The following ABCG8 variants were observed in gnomAD, a reference collection of about 807,000 sequenced individuals.
ABCG8 encodes ATP-binding cassette sub-family G member 8.
Under a neutral mutation model 71.3 loss-of-function variants are expected in ABCG8, and 81 were observed. The ratio of observed to expected loss-of-function variants is 1.14; its 90% CI spans 0.95 to 1.37. The LOEUF (loss-of-function observed/expected upper bound fraction) is 1.37, where lower values mean the gene tolerates loss of function less well. Ranked by LOEUF, ABCG8 falls within the 40% of genes most tolerant of loss-of-function variation. The probability of loss-of-function intolerance (pLI) is 0.00; values close to 1 mark genes in which losing one functional copy is unlikely to be tolerated. For missense variants in ABCG8, 1,119 were observed against 866.2 expected (o/e 1.29, Z -3.66); for synonymous variants, 451 against 354.7 (o/e 1.27, Z -3.05).
In ABCG8 at chr2:43,852,620, C is replaced by T; in HGVS notation, c.716C>T (p.Pro239Leu). The T allele has an allele frequency of 6.2e-7, 1 of 1,614,182 alleles. No homozygotes were observed. Among genetic ancestry groups the T allele is most frequent in the Non-Finnish European group, 8.5e-7 (1 of 1,180,030 alleles). ...AAAGGAATCCTTATTCTCGACGAACCCACCTCTGGGCTCGACAGCTTCACA... is the reference window on the plus strand; with the variant it reads ...AAAGGAATCCTTATTCTCGACGAACTCACCTCTGGGCTCGACAGCTTCACA... ...WNPGILILDEPTSGLDSFTAH... is the reference protein window; with the variant it reads ...WNPGILILDELTSGLDSFTAH... The change falls in exon 6 of 13, where the codon CCC becomes CTC. Residue 239 changes from proline (P) to leucine (L), a missense_variant. Transcript: ENST00000272286.
At chr2:43,861,556 C>T (rs1051139896) in intron 6 of ABCG8, among the ~76,000 whole-genome samples, 11 of 149,144 alleles carry the variant, frequency 7.4e-5, no homozygotes, top group Non-Finnish European at 1.2e-4. Flanking sequence ...CTGGATAAAA[C>T]TCTCCCTGTC....
intron 1 of ABCG8, 33 bp from the exon 2 acceptor site, chr2:43,844,473 TA>T (rs1169070082): frequency 6.4e-7 from 1 of 1,557,460 alleles, no homozygotes; most frequent in Non-Finnish European, 8.9e-7. Flanking sequence ...CAGCAGCTTC[TA>T]AAGGAGCCCC....
At chr2:43,869,171 C>T (rs1425351898) in intron 6 of ABCG8, among the ~76,000 whole-genome samples, 1 of 151,986 alleles carries the variant, frequency 6.6e-6, no homozygotes, top group African/African-American at 2.4e-5. Context: ...ATAGAATTCT[C>T]ACTGTGGGTA....
At position 43,872,226 on chromosome 2, in the gene ABCG8, C is replaced by T. The variant is rs755929853; in HGVS notation, c.1131C>T (p.Ser377=). The change falls in exon 8 of 13, where the codon AGC becomes AGT. Residue 377 remains serine (S), a synonymous_variant. Transcript: ENST00000272286. The stretch of plus-strand genomic sequence containing the variant: ...GGCCACATCTTCTGCCTCCCAGCAG[C>T]GTGACCCCACTAGACACCAACTGCC... The part of the protein sequence containing the change: ...DLDEDTCVES[S]VTPLDTNCLP... 5 of 1,614,020 alleles carry T rather than the reference C, an allele frequency of 3.1e-6. No individual in the cohort carries two copies. The highest frequency in any genetic ancestry group is 4.5e-5 in the East Asian group (2 of 44,880).
At chr2:43,855,599 T>C (rs992937051) in intron 6 of ABCG8, among the ~76,000 whole-genome samples, 6 of 152,208 alleles carry the variant, frequency 3.9e-5, no homozygotes, top group Non-Finnish European at 8.8e-5. Context: ...TCTATCTAGA[T>C]AGAATTATCA....
At chr2:43,874,520 CACCA>C in intron 10 of ABCG8, 37 bp downstream of exon 10, 2 of 1,513,772 alleles carry the variant, frequency 1.3e-6, no homozygotes, top group Non-Finnish European at 1.8e-6. Context: ...GCCCCCCACC[CACCA>C]GGGTGGGGGT....
At chr2:43,853,780 GTAA>G (rs1343731020) in intron 6 of ABCG8, among the ~76,000 whole-genome samples, 3 of 152,200 alleles carry the variant, frequency 2.0e-5, no homozygotes, top group African/African-American at 7.2e-5. Context: ...CAGCACAGTT[GTAA>G]GGCACAGAAC....
intron 6 of ABCG8, among the ~76,000 whole-genome samples, chr2:43,856,254 A>G (rs1337563961): frequency 6.6e-6 from 1 of 151,984 alleles, no homozygotes; most frequent in Non-Finnish European, 1.5e-5. Context: ...CTCCATCCTG[A>G]CAGAACTCTC....
chr2:43,862,010 C>CTCTCGCTATCTGTCTGGATAGAAT (rs1669337870), intron 6 of ABCG8, among the ~76,000 whole-genome samples: 1 of 151,010 alleles, frequency 6.6e-6, no homozygotes, highest in Non-Finnish European at 1.5e-5. Flanking sequence ...CTGGATAGAA[C>CTCTCGCTATCTGTCTGGATAGAAT]TCTCGCTATC....
intron 6 of ABCG8, among the ~76,000 whole-genome samples, chr2:43,862,632 A>C (rs931070357): frequency 1.3e-5 from 2 of 150,036 alleles, no homozygotes; most frequent in Admixed American, 6.6e-5. Context: ...TATTCTCACT[A>C]TCTGGATAGA....
At position 43,879,112 on chromosome 2, in the gene ABCG8, G is replaced by GTGAGAGC. The variant is rs1670051805; in HGVS notation, c.*1199_*1200insTGAGAGC. 6.6e-6 allele frequency: 1 copy of GTGAGAGC among 152,254 alleles called. No homozygotes were observed. Among genetic ancestry groups the GTGAGAGC allele is most frequent in the Non-Finnish European group, 1.5e-5 (1 of 68,098 alleles). The allele number at this position is 152,254 out of a possible 1,614,324, so 9.4% of individuals were successfully genotyped here. A position where few individuals can be genotyped will look rare whatever the true frequency, so the allele number is the denominator to read the frequency against. On this transcript the variant is annotated 3_prime_UTR_variant, in exon 13 of 13. Transcript: ENST00000272286. Reference sequence around the variant, plus strand: ...TCTTCATAGCAGTGTGAGAGCAGATGAATACACTGGCCCTGCCTGGGTTTC... The same window carrying GTGAGAGC: ...TCTTCATAGCAGTGTGAGAGCAGATGTGAGAGCAATACACTGGCCCTGCCTGGGTTTC...
chr2:43,849,216 C>T (rs527811886), intron 3 of ABCG8, among the ~76,000 whole-genome samples: 57 of 151,974 alleles, frequency 3.8e-4, no homozygotes, highest in Non-Finnish European at 4.4e-4. Flanking sequence ...TGTATTAGTC[C>T]GTTTTCACAC....
rs140778634 is a variant in ABCG8 at position 43,872,105 on chromosome 2, C to T, written c.1094C>T (p.Thr365Met). 510 of 1,614,078 alleles carry T rather than the reference C, an allele frequency of 3.2e-4. 6 individuals carry two copies. In the African/African-American group the frequency reaches 5.3e-3, roughly 17 times the overall value. ...DLDDFLWKAE[T>M]KDLDEDTCVE... ...GATGACTTTCTATGGAAAGCAGAGA[C>T]GAAGGATCTTGACGAGGACACCTGT... is the stretch of plus-strand genomic sequence containing the variant. Residue 365 changes from threonine to methionine, a missense_variant, in exon 7 of 13, where the codon ACG becomes ATG. Coordinates refer to ENST00000272286, the MANE Select transcript of ABCG8 (RefSeq NM_022437.3).
chr2:43,851,407 C>A (rs748403313), intron 3 of ABCG8, among the ~76,000 whole-genome samples, 177 bp from the exon 4 acceptor site: 13 of 152,256 alleles, frequency 8.5e-5, no homozygotes, highest in Non-Finnish European at 1.8e-4. Context: ...AGGCTTGGAG[C>A]TCCATGTCCT....
chr2:43,852,140 C>T (rs1668939390), intron 4 of ABCG8, among the ~76,000 whole-genome samples: 1 of 152,268 alleles, frequency 6.6e-6, no homozygotes, highest in Non-Finnish European at 1.5e-5. Flanking sequence ...ACGTTCCTAA[C>T]ACAGGGCACC....
intron 8 of ABCG8, among the ~76,000 whole-genome samples, chr2:43,872,983 T>G (rs1428519583): frequency 6.6e-6 from 1 of 152,088 alleles, no homozygotes; most frequent in Non-Finnish European, 1.5e-5. Context: ...TTTGTAAACG[T>G]AGCGGGATCA....
chr2:43,842,358 T>C (rs2104907956), intron 1 of ABCG8, among the ~76,000 whole-genome samples: 1 of 152,228 alleles, frequency 6.6e-6, no homozygotes, highest in South Asian at 2.1e-4. Flanking sequence ...ACAACAAAAA[T>C]GGGACAATGA....
chr2:43,848,827 C>T (rs543842808), intron 3 of ABCG8, among the ~76,000 whole-genome samples: 11 of 151,798 alleles, frequency 7.2e-5, no homozygotes, highest in African/African-American at 2.7e-4. Context: ...ACCAGCCTGG[C>T]CAACATGGTG....
chr2:43,874,514 C>CCCCA (rs1553383819), intron 10 of ABCG8, 31 bp downstream of exon 10: 1 of 1,561,328 alleles, frequency 6.4e-7, no homozygotes, highest in Non-Finnish European at 8.8e-7. Flanking sequence ...GCAAGTGCCC[C>CCCCA]CCACCCACCA....
Sources: allele counts gnomAD v4.1 joint callset (sites outside exome capture counted in the v4.1 genomes callset), GRCh38; gene constraint gnomAD v4.1.1; transcripts MANE v1.5; gene names NCBI Gene and HGNC (gene_info 2026-07-23, HGNC 2026-07-21).